Variants in PCDH9 observed in about 807,000 individuals in gnomAD.
PCDH9 encodes the protein protocadherin 9.
A neutral mutation model predicts 70.6 loss-of-function variants in PCDH9; 24 were observed. That is an observed-to-expected ratio of 0.34 (90% confidence interval 0.25 to 0.48). The LOEUF (loss-of-function observed/expected upper bound fraction) is 0.48. PCDH9 is among the 20% of genes least tolerant of loss of function. The pLI is 0.99. For synonymous variants in PCDH9, 562 were observed against 558.5 expected (o/e 1.01, Z -0.09); for missense variants, 1,281 against 1,503.6 (o/e 0.85, Z 2.45).
chr13:66,302,933 C>G lies in PCDH9; in HGVS notation c.*1722G>C, dbSNP rs76917747. On this transcript the variant is annotated 3_prime_UTR_variant, in exon 5 of 5. Coordinates refer to ENST00000377865, the MANE Select transcript of PCDH9 (RefSeq NM_203487.3). ...ATAATTGTTTAGATATTTATTCTGT[C>G]AAAGTCATCAAACACCCCTCACAAA... 1 of 152,456 alleles carries G rather than the reference C, an allele frequency of 6.6e-6. No individual in the cohort carries two copies. The highest frequency in any genetic ancestry group is 1.9e-4 in the East Asian group (1 of 5,172). 9.4% of individuals were successfully genotyped at this position (152,456 alleles called of 1,614,324 possible).
intron 2 of PCDH9, chr13:67,202,859 T>A (rs1487980685): frequency 6.6e-6 from 1 of 152,128 alleles, no homozygotes; most frequent in Admixed American, 6.6e-5. Context: ...TGTATGTGTG[T>A]GTGCTGTGTG....
At chr13:66,679,570 T>C (rs2078290441) in intron 3 of PCDH9, among the ~76,000 whole-genome samples, 1 of 151,942 alleles carries the variant, frequency 6.6e-6, no homozygotes, top group African/African-American at 2.4e-5. Context: ...TTGCATTTTC[T>C]CTGAAAGATG....
intron 4 of PCDH9, among the ~76,000 whole-genome samples, chr13:66,559,424 G>C (rs1329714968): frequency 1.3e-5 from 2 of 152,256 alleles, no homozygotes; most frequent in East Asian, 3.9e-4. Context: ...AATCTCTTCA[G>C]GAGGATATGA....
At chr13:66,541,440 G>A (rs761634705) in intron 4 of PCDH9, among the ~76,000 whole-genome samples, 2 of 151,994 alleles carry the variant, frequency 1.3e-5, no homozygotes, top group African/African-American at 2.4e-5. Flanking sequence ...ACAATATCAA[G>A]GTGTCAGCAT....
rs2082596555 is a variant in PCDH9 at position 66,918,804 on chromosome 13, AAAAT to A, written c.3037-15203_3037-15200del. On this transcript the variant is annotated intron_variant, in intron 2 of 4. Coordinates refer to ENST00000377865, the MANE Select transcript of PCDH9 (RefSeq NM_203487.3). ...TATGATGATATTTTTTGATCATGGC[AAAAT>A]AAATTTACTTATAATTAATTGAACT... Among the ~76,000 whole-genome samples the A allele has an allele frequency of 4.6e-5, 7 of 151,416 alleles. No individual in the cohort carries two copies. The South Asian group carries it at 1.5e-3, about 31-fold the overall frequency.
chr13:66,772,419 T>TA (rs1402939188), intron 3 of PCDH9, among the ~76,000 whole-genome samples: 1 of 152,234 alleles, frequency 6.6e-6, no homozygotes, highest in Non-Finnish European at 1.5e-5. Flanking sequence ...TCCTCATTTA[T>TA]AAAATTATCT....
intron 2 of PCDH9, among the ~76,000 whole-genome samples, chr13:66,995,545 GT>G (rs2084096076): frequency 6.6e-6 from 1 of 152,086 alleles, no homozygotes; most frequent in African/African-American, 2.4e-5. Context: ...CAAACCCTAA[GT>G]TTTGAGGTTG....
At chr13:66,867,992 T>C (rs1283660861) in intron 3 of PCDH9, among the ~76,000 whole-genome samples, 1 of 152,002 alleles carries the variant, frequency 6.6e-6, no homozygotes, top group Non-Finnish European at 1.5e-5. Flanking sequence ...TAAATATAAT[T>C]GGTAGATTGC....
chr13:66,957,694 A>T (rs559675536), intron 2 of PCDH9, among the ~76,000 whole-genome samples: 2 of 151,980 alleles, frequency 1.3e-5, no homozygotes, highest in Non-Finnish European at 2.9e-5. Context: ...TCTCTCTCTC[A>T]CTCACTCTCT....
chr13:66,832,434 A>C (rs2080944086), intron 3 of PCDH9, among the ~76,000 whole-genome samples: 1 of 152,100 alleles, frequency 6.6e-6, no homozygotes, highest in East Asian at 1.9e-4. Context: ...TATAATAATT[A>C]TTAACACTTT....
intron 2 of PCDH9, among the ~76,000 whole-genome samples, chr13:66,984,532 C>T (rs1421171762): frequency 6.6e-6 from 1 of 152,050 alleles, no homozygotes; most frequent in Non-Finnish European, 1.5e-5. Context: ...ACCATCTGGT[C>T]TTTGGCTTCT....
At chr13:66,495,591 T>C (rs1014146757) in intron 4 of PCDH9, among the ~76,000 whole-genome samples, 3 of 152,178 alleles carry the variant, frequency 2.0e-5, no homozygotes, top group Admixed American at 6.5e-5. Context: ...CATACATACA[T>C]ACATACATAC....
chr13:66,417,882 G>A (rs192049041), intron 4 of PCDH9, among the ~76,000 whole-genome samples: 4 of 152,244 alleles, frequency 2.6e-5, no homozygotes, highest in African/African-American at 2.4e-5. Flanking sequence ...ATTTGTTTAC[G>A]TTCCTTGTAG....
chr13:66,352,825 A>G (rs1048966359), intron 4 of PCDH9, among the ~76,000 whole-genome samples: 5 of 152,224 alleles, frequency 3.3e-5, no homozygotes, highest in Admixed American at 1.3e-4. Flanking sequence ...AGGAAGTTGC[A>G]GTTCCAAAAT....
intron 4 of PCDH9, among the ~76,000 whole-genome samples, chr13:66,438,450 T>C (rs1287964634): frequency 6.6e-6 from 1 of 152,172 alleles, no homozygotes; most frequent in Admixed American, 6.6e-5. Context: ...TAAATAACTT[T>C]TGACAGCTAA....
At chr13:66,462,487 A>G (rs371780314) in intron 4 of PCDH9, among the ~76,000 whole-genome samples, 4 of 151,964 alleles carry the variant, frequency 2.6e-5, no homozygotes, top group African/African-American at 4.8e-5. Flanking sequence ...CAAATTATCT[A>G]TGATCACATC....
chr13:66,426,239 T>C (rs1957667771), intron 4 of PCDH9, among the ~76,000 whole-genome samples: 1 of 151,394 alleles, frequency 6.6e-6, no homozygotes, highest in Admixed American at 6.6e-5. Flanking sequence ...AAGAACCCTA[T>C]AACAAGCAGA....
At chr13:67,177,083 C>G (rs1353488304) in intron 2 of PCDH9, among the ~76,000 whole-genome samples, 1 of 151,988 alleles carries the variant, frequency 6.6e-6, no homozygotes, top group Non-Finnish European at 1.5e-5. Flanking sequence ...TGGGTCCAGC[C>G]CATGGCAAGT....
intron 2 of PCDH9, among the ~76,000 whole-genome samples, chr13:67,058,567 C>A (rs577641196): frequency 6.6e-6 from 1 of 152,264 alleles, no homozygotes; most frequent in Admixed American, 6.5e-5. Flanking sequence ...TACTTTTCCT[C>A]CCGCCACAAA....
Sources: allele counts gnomAD v4.1 joint callset (sites outside exome capture counted in the v4.1 genomes callset), GRCh38; gene constraint gnomAD v4.1.1; transcripts MANE v1.5; gene names NCBI Gene and HGNC (gene_info 2026-07-23, HGNC 2026-07-21).